Variants in IMMP2L observed in about 807,000 individuals in gnomAD.
IMMP2L encodes the protein mitochondrial inner membrane protease subunit 2.
In IMMP2L, 18 loss-of-function variants were observed where a neutral mutation model predicts 19.3. The observed-to-expected ratio is 0.93, with a 90% confidence interval of 0.64 to 1.38. The LOEUF is 1.38. IMMP2L is among the 40% of genes most tolerant of loss of function. The pLI, the probability that IMMP2L is intolerant of heterozygous loss-of-function variation, is 0.00. For missense variants in IMMP2L, 233 were observed against 218.2 expected (o/e 1.07, Z -0.43); for synonymous variants, 76 against 73.0 (o/e 1.04, Z -0.21).
chr7:111,448,045 C>A (rs1357181790), intron 3 of IMMP2L, among the ~76,000 whole-genome samples: 6 of 144,794 alleles, frequency 4.1e-5, no homozygotes, highest in Admixed American at 6.8e-5. Flanking sequence ...CAGGAGCACC[C>A]AGATTCATAA....
intron 5 of IMMP2L, among the ~76,000 whole-genome samples, chr7:110,793,811 T>C (rs933830635): frequency 6.6e-6 from 1 of 152,104 alleles, no homozygotes; most frequent in Non-Finnish European, 1.5e-5. Context: ...TCACTGTGTA[T>C]ATGCATATCA....
intron 3 of IMMP2L, among the ~76,000 whole-genome samples, chr7:111,295,653 C>G (rs11763420): frequency 0.056 from 8,434 of 151,788 alleles, 319 homozygotes; most frequent in Middle Eastern, 0.099. Flanking sequence ...AACTCTCTGG[C>G]TGTTCTAGCA....
intron 5 of IMMP2L, among the ~76,000 whole-genome samples, chr7:110,742,113 G>A (rs1758937359): frequency 6.6e-6 from 1 of 152,072 alleles, no homozygotes; most frequent in South Asian, 2.1e-4. Flanking sequence ...GAGAACAACA[G>A]TATTATAAAA....
At chr7:111,457,449 G>T (rs1180627253) in intron 3 of IMMP2L, among the ~76,000 whole-genome samples, 1 of 152,100 alleles carries the variant, frequency 6.6e-6, no homozygotes, top group Non-Finnish European at 1.5e-5. Context: ...TAAGGACACT[G>T]TCTGTACCAA....
chr7:111,516,782 A>G (rs1845906890), intron 2 of IMMP2L, among the ~76,000 whole-genome samples: 1 of 152,128 alleles, frequency 6.6e-6, no homozygotes, highest in African/African-American at 2.4e-5. Context: ...TTCTGAGCCA[A>G]AAGTAATTTG....
At chr7:111,030,692 T>G (rs1421046013) in intron 3 of IMMP2L, among the ~76,000 whole-genome samples, 1 of 151,962 alleles carries the variant, frequency 6.6e-6, no homozygotes. Context: ...TTTATATTAG[T>G]AAAACAGGAT....
At chr7:110,832,049 G>C (rs1804019490) in intron 5 of IMMP2L, among the ~76,000 whole-genome samples, 1 of 152,164 alleles carries the variant, frequency 6.6e-6, no homozygotes, top group Non-Finnish European at 1.5e-5. Context: ...GGATCACGAG[G>C]TCAGGAGATC....
intron 3 of IMMP2L, among the ~76,000 whole-genome samples, chr7:111,312,781 G>A (rs1294887400): frequency 6.6e-6 from 1 of 152,070 alleles, no homozygotes; most frequent in African/African-American, 2.4e-5. Context: ...ATTGCAGTAT[G>A]GTCAGATAAC....
intron 3 of IMMP2L, among the ~76,000 whole-genome samples, chr7:111,335,896 T>C (rs1037584280): frequency 2.0e-5 from 3 of 152,142 alleles, no homozygotes; most frequent in Non-Finnish European, 4.4e-5. Flanking sequence ...TGGGATGATA[T>C]ACATCAAATG....
intron 3 of IMMP2L, among the ~76,000 whole-genome samples, chr7:111,166,683 TC>T (rs1238170286): frequency 6.6e-6 from 1 of 152,006 alleles, no homozygotes; most frequent in African/African-American, 2.4e-5. Flanking sequence ...AGGTCTGAAA[TC>T]AAGGTGTCAT....
intron 4 of IMMP2L, among the ~76,000 whole-genome samples, chr7:110,945,906 C>T (rs1817202296): frequency 6.6e-6 from 1 of 152,136 alleles, no homozygotes; most frequent in African/African-American, 2.4e-5. Flanking sequence ...GGAATTTAAG[C>T]TTAAGCACGG....
At chr7:110,897,276 T>A (rs1474343455) in intron 4 of IMMP2L, among the ~76,000 whole-genome samples, 1 of 152,148 alleles carries the variant, frequency 6.6e-6, no homozygotes, top group East Asian at 1.9e-4. Context: ...GTTGTACAGA[T>A]GTTGCATATA....
chr7:111,251,665 T>A (rs796484164), intron 3 of IMMP2L, among the ~76,000 whole-genome samples: 4 of 152,188 alleles, frequency 2.6e-5, no homozygotes, highest in African/African-American at 9.6e-5. Flanking sequence ...ACACCACGTG[T>A]TCTTATTTAT....
intron 3 of IMMP2L, among the ~76,000 whole-genome samples, chr7:111,463,659 C>A (rs895588632): frequency 6.6e-6 from 1 of 152,146 alleles, no homozygotes; most frequent in Non-Finnish European, 1.5e-5. Context: ...CCATTCCCAC[C>A]TCTTTTTCCT....
intron 5 of IMMP2L, among the ~76,000 whole-genome samples, chr7:110,781,634 GT>G (rs1799754067): frequency 6.6e-6 from 1 of 151,362 alleles, no homozygotes; most frequent in Non-Finnish European, 1.5e-5. Flanking sequence ...ATTTTCCTAC[GT>G]TCAGATATAA....
chr7:110,835,244 G>A (rs1804336508), intron 5 of IMMP2L, among the ~76,000 whole-genome samples: 1 of 152,168 alleles, frequency 6.6e-6, no homozygotes. Context: ...TTATTTCTGG[G>A]AACAATATGA....
chr7:111,010,047 T>C (rs1409848139), intron 3 of IMMP2L, among the ~76,000 whole-genome samples: 1 of 152,154 alleles, frequency 6.6e-6, no homozygotes, highest in African/African-American at 2.4e-5. Context: ...TGAACAGTTA[T>C]GGTTTCAACT....
chr7:110,989,109 C>T lies in IMMP2L; in HGVS notation c.240-25544G>A, dbSNP rs191181426. Among the ~76,000 whole-genome samples, 105 of 152,208 alleles carry T rather than the reference C, an allele frequency of 6.9e-4. 1 individual carries two copies. In the East Asian group the frequency reaches 0.019, roughly 28 times the overall value. Reference sequence around the variant, plus strand: ...AATTAGCCGGGTGTCGTGGCACATGCCTGTAATCCCAGCTACTAGAGAGGT... The same window carrying T: ...AATTAGCCGGGTGTCGTGGCACATGTCTGTAATCCCAGCTACTAGAGAGGT... On this transcript the variant is annotated intron_variant, in intron 3 of 5. Coordinates refer to ENST00000405709, the MANE Select transcript of IMMP2L (RefSeq NM_032549.4).
At chr7:111,133,620 T>C (rs539447516) in intron 3 of IMMP2L, among the ~76,000 whole-genome samples, 3 of 152,126 alleles carry the variant, frequency 2.0e-5, no homozygotes, top group East Asian at 1.9e-4. Context: ...AAAATGACTA[T>C]GCCAAATTTA....
Sources: allele counts gnomAD v4.1 joint callset (sites outside exome capture counted in the v4.1 genomes callset), GRCh38; gene constraint gnomAD v4.1.1; transcripts MANE v1.5; gene names NCBI Gene and HGNC (gene_info 2026-07-23, HGNC 2026-07-21).